THBS4: variants seen among roughly 807,000 people sequenced by gnomAD.
THBS4 encodes thrombospondin 4, also known as thrombospondin-4.
In THBS4, 90 loss-of-function variants were observed where a neutral mutation model predicts 115.7. That is an observed-to-expected ratio of 0.78 (90% confidence interval 0.66 to 0.93). The LOEUF (loss-of-function observed/expected upper bound fraction) is 0.93. THBS4 is among the 40% of genes least tolerant of loss of function. The pLI, the probability that THBS4 is intolerant of heterozygous loss-of-function variation, is 0.00. For synonymous variants in THBS4, 460 were observed against 479.3 expected, an observed-to-expected ratio of 0.96 and a Z score of 0.53; for missense variants, 1,087 against 1,232.7, an observed-to-expected ratio of 0.88 and a Z score of 1.77.
chr5:80,023,537 C>T (rs1832419832), intron 2 of THBS4, among the ~76,000 whole-genome samples: 1 of 152,154 alleles, frequency 6.6e-6, no homozygotes, highest in African/African-American at 2.4e-5. Flanking sequence ...TCCCCGTTTC[C>T]TCTTATTTAA....
intron 2 of THBS4, among the ~76,000 whole-genome samples, chr5:80,042,434 A>G (rs1832932370): frequency 6.6e-6 from 1 of 152,214 alleles, no homozygotes; most frequent in Admixed American, 6.5e-5. Flanking sequence ...TCTGCAGAGT[A>G]AAAAACTGCT....
At chr5:80,028,552 G>A (rs986635480) in intron 2 of THBS4, among the ~76,000 whole-genome samples, 2 of 150,568 alleles carry the variant, frequency 1.3e-5, no homozygotes, top group Admixed American at 6.6e-5. Flanking sequence ...TCCACCTCCC[G>A]AGTTCAAGCG....
At position 80,078,204 on chromosome 5, in the gene THBS4, C is replaced by G. The variant is rs1431753617; in HGVS notation, c.2242C>G (p.Pro748Ala). ...TCCTGAAGGGGATGCCCAGATCGAT[C>G]CCAACTGGGTGGTCCTGAACCAGGT... ...LDPEGDAQID[P>A]NWVVLNQGME... Residue 748 changes from proline (P) to alanine (A), a missense_variant, in exon 17 of 22, where the codon CCC (proline) becomes GCC (alanine). Transcript: ENST00000350881. 1 of 1,600,530 alleles carries G rather than the reference C, an allele frequency of 6.2e-7. No individual in the cohort carries two copies. Among genetic ancestry groups the G allele is most frequent in the Admixed American group, 1.7e-5 (1 of 59,386 alleles).
chr5:80,030,924 A>C (rs941945376), upstream of THBS4, among the ~76,000 whole-genome samples: 2 of 152,208 alleles, frequency 1.3e-5, no homozygotes, highest in Non-Finnish European at 2.9e-5. Context: ...CAATTAACAC[A>C]TATGTATAAA....
In THBS4 at chr5:80,071,105, G is replaced by T; in HGVS notation, c.1645G>T (p.Val549Phe). The part of the protein sequence containing the change: ...FGDACDNCLS[V>F]LNNDQKDTDG... The stretch of plus-strand genomic sequence containing the variant: ...GGATGCCTGTGATAACTGCCTGAGT[G>T]TCTTAAATAACGACCAGAAAGACAC... The change falls in exon 13 of 22, where the codon GTC becomes TTC. Residue 549 changes from valine (V) to phenylalanine (F), a missense_variant. Val to Phe is a conservative substitution (Grantham distance 50). This residue lies in a region of THBS4 where 979 missense variants were observed against 1,103.7 expected (regional missense o/e 0.89). Coordinates refer to ENST00000350881, the MANE Select transcript of THBS4 (RefSeq NM_003248.6). The T allele has an allele frequency of 6.2e-7, 1 of 1,610,944 alleles. No individual in the cohort carries two copies. The highest frequency in any genetic ancestry group is 8.5e-7 in the Non-Finnish European group (1 of 1,179,348).
intron 20 of THBS4, chr5:80,082,164 G>GAAAC (rs1220596896): frequency 2.7e-5 from 12 of 439,964 alleles, no homozygotes; most frequent in South Asian, 2.1e-4. Flanking sequence ...AAGTTGGGAA[G>GAAAC]AAACACCCCC....
intron 2 of THBS4, among the ~76,000 whole-genome samples, chr5:80,041,886 C>G (rs928445069): frequency 1.3e-5 from 2 of 152,198 alleles, no homozygotes; most frequent in African/African-American, 2.4e-5. Context: ...TTCAAACTCT[C>G]TCTTAGATTA....
At chr5:79,995,451 G>C (rs1264507076) in intron 1 of THBS4, among the ~76,000 whole-genome samples, 1 of 152,130 alleles carries the variant, frequency 6.6e-6, no homozygotes, top group Non-Finnish European at 1.5e-5. Context: ...GATAAGGACA[G>C]GTCTAAGAGC....
In THBS4 at chr5:80,068,003, G is replaced by A; in HGVS notation, c.1225G>A (p.Gly409Arg). ...TTACCGCTGTGGGCCTTGTAAGCCG[G>A]GGTATACTGGTGATCAGATAAGGGG... Reference protein sequence around the residue: ...GSYRCGPCKPGYTGDQIRGCK... With the variant: ...GSYRCGPCKPRYTGDQIRGCK... Residue 409 changes from glycine (G) to arginine (R), a missense_variant, in exon 10 of 22, where the codon GGG becomes AGG. Transcript: ENST00000350881. The A allele has an allele frequency of 6.2e-7, 1 of 1,614,156 alleles. No individual in the cohort carries two copies. Among genetic ancestry groups the A allele is most frequent in the Non-Finnish European group, 8.5e-7 (1 of 1,180,026 alleles).
intron 15 of THBS4, among the ~76,000 whole-genome samples, chr5:80,074,011 AT>A (rs1225534185): frequency 3.9e-5 from 6 of 152,286 alleles, no homozygotes; most frequent in African/African-American, 1.4e-4. Flanking sequence ...CAATTTTCTC[AT>A]CTGTAAAATG....
At chr5:80,015,740 G>A (rs919902087) in intron 2 of THBS4, among the ~76,000 whole-genome samples, 3 of 152,166 alleles carry the variant, frequency 2.0e-5, no homozygotes, top group East Asian at 3.9e-4. Flanking sequence ...CATGATGAAG[G>A]CACCAGGGAC....
rs576641325 is a variant in THBS4 at position 80,046,635 on chromosome 5, G to A, written c.292+6355G>A. ...TTTCAGTAAAGTTTCAAAGCTGATA[G>A]ATTAAAAAAACATGCTGTGAGCATA... On this transcript the variant is annotated intron_variant, in intron 2 of 21. Transcript: ENST00000350881. Among the ~76,000 whole-genome samples the A allele has an allele frequency of 4.6e-5, 7 of 152,006 alleles. No homozygotes were observed. The South Asian group carries it at 1.5e-3, about 32-fold the overall frequency.
chr5:80,073,081 A>C (rs1221059797), intron 14 of THBS4, among the ~76,000 whole-genome samples, 194 bp from the exon 15 acceptor site: 1 of 152,154 alleles, frequency 6.6e-6, no homozygotes. Flanking sequence ...GTAGCTTGAT[A>C]TTTTAGAAGG....
chr5:80,082,510 A>T lies in THBS4; in HGVS notation c.2789A>T (p.Asn930Ile), dbSNP rs2112182068. ...GGCGTTTTCTGCTTCTCTCAAGAAA[A>T]CATCATCTGGTCCAACCTCAAGTAT... ...RLGVFCFSQE[N>I]IIWSNLKYRC... is the part of the protein sequence containing the mutation. The change falls in exon 21 of 22, where the codon AAC becomes ATC. Residue 930 changes from asparagine (N) to isoleucine (I), a missense_variant. Asn to Ile is a moderately radical substitution (Grantham distance 149). Around this residue, in one of 3 missense-constraint regions of THBS4, gnomAD observed 103 missense variants for 108.2 expected, o/e 0.95. Transcript: ENST00000350881. 3 of 1,614,170 alleles carry T rather than the reference A, an allele frequency of 1.9e-6. No homozygotes were observed. In the East Asian group the frequency reaches 6.7e-5, roughly 36 times the overall value.
intron 2 of THBS4, among the ~76,000 whole-genome samples, chr5:80,001,871 C>T (rs1326223466): frequency 6.6e-6 from 1 of 152,068 alleles, no homozygotes; most frequent in Non-Finnish European, 1.5e-5. Context: ...AGGATTTTTG[C>T]CCAGTTCTGT....
intron 3 of THBS4, among the ~76,000 whole-genome samples, chr5:80,056,387 C>T (rs980012475): frequency 6.6e-6 from 1 of 152,120 alleles, no homozygotes; most frequent in Non-Finnish European, 1.5e-5. Context: ...AAAATAACTA[C>T]CTCAGGGTGA....
chr5:80,038,571 CT>C (rs374366009), intron 1 of THBS4, among the ~76,000 whole-genome samples: 6 of 151,164 alleles, frequency 4.0e-5, no homozygotes, highest in Non-Finnish European at 7.4e-5. Context: ...AAGCCCTTCT[CT>C]TTTTTTTTGC....
intron 2 of THBS4, among the ~76,000 whole-genome samples, chr5:80,040,910 G>T (rs907054964): frequency 3.3e-5 from 5 of 152,108 alleles, no homozygotes; most frequent in Admixed American, 2.0e-4. Context: ...AACCTGAGGG[G>T]CACCGTAGCT....
Position 80,072,323 on chromosome 5 carries a change from A to T in THBS4, c.1766A>T (p.Asp589Val). ...AACTGCCCAAAATTTCCCAATCGTG[A>T]CCAACGGGACAAGGATGGTGATGGT... Reference protein sequence around the residue: ...LDNCPKFPNRDQRDKDGDGVG... With the variant: ...LDNCPKFPNRVQRDKDGDGVG... Residue 589 changes from aspartate to valine, a missense_variant, in exon 14 of 22, where the codon GAC becomes GTC. Transcript: ENST00000350881. The T allele has an allele frequency of 6.2e-7, 1 of 1,614,196 alleles. No individual in the cohort carries two copies. Among genetic ancestry groups the T allele is most frequent in the African/African-American group, 1.3e-5 (1 of 75,042 alleles).
Sources: allele counts gnomAD v4.1 joint callset (sites outside exome capture counted in the v4.1 genomes callset), GRCh38; gene constraint gnomAD v4.1.1; regional missense constraint gnomAD v4.1.1; transcripts MANE v1.5; gene names NCBI Gene and HGNC (gene_info 2026-07-23, HGNC 2026-07-21).